Variants in DNAH7 observed in about 807,000 individuals in gnomAD.
The protein encoded by DNAH7 is axonemal beta dynein heavy chain 7.
Under a neutral mutation model 444.6 loss-of-function variants are expected in DNAH7, and 397 were observed. The observed-to-expected ratio is 0.89, with a 90% CI of 0.82 to 0.97. The LOEUF (loss-of-function observed/expected upper bound fraction) is 0.97, where lower values mean the gene tolerates loss of function less well. Ranked by LOEUF, DNAH7 falls within the 50% of genes least tolerant of loss-of-function variation. The pLI, the probability that DNAH7 is intolerant of heterozygous loss-of-function variation, is 0.00. For synonymous variants in DNAH7, 1,636 were observed against 1,624.4 expected, an observed-to-expected ratio of 1.01 and a Z score of -0.17; for missense variants, 4,902 against 4,800.8, an observed-to-expected ratio of 1.02 and a Z score of -0.62.
rs1165762121 is a variant in DNAH7 at position 195,884,708 on chromosome 2, T to A, written c.5640A>T (p.Pro1880=). 8 of 1,614,088 alleles carry A rather than the reference T, an allele frequency of 5.0e-6. No homozygotes were observed. Among genetic ancestry groups the A allele is most frequent in the Non-Finnish European group, 6.8e-6 (8 of 1,180,018 alleles). The change falls in exon 35 of 65, where the codon CCA becomes CCT. Residue 1880 remains proline, a synonymous_variant. Transcript: ENST00000312428. ...ACGTATTTCGAGTTCGATCTGAAATTGGACTTTCCATTAGTTCTCGAAGAA... is the reference window on the plus strand; with the variant it reads ...ACGTATTTCGAGTTCGATCTGAAATAGGACTTTCCATTAGTTCTCGAAGAA... The part of the protein sequence containing the change: ...NKILRELMES[P]ISDRTRNTFK...
At chr2:195,984,549 T>C in intron 15 of DNAH7, 83 bp downstream of exon 15, 1 of 1,359,110 alleles carries the variant, frequency 7.4e-7, no homozygotes, top group Non-Finnish European at 1.0e-6. Flanking sequence ...CTGTCTTAAC[T>C]TTTCGAGTGA....
chr2:196,025,427 A>G (rs1323566157), intron 7 of DNAH7, among the ~76,000 whole-genome samples: 3 of 152,142 alleles, frequency 2.0e-5, no homozygotes, highest in African/African-American at 7.2e-5. Flanking sequence ...TAAGCGCTCT[A>G]AAAAGGCATA....
rs560383213 is a variant in DNAH7, at chr2:196,012,302, C to A, written c.989+485G>T. ...GCTATTCCATTCCGAAAAGCCAATCCAAGGAGATATTCAATTATCATCTGA... is the reference window on the plus strand; with the variant it reads ...GCTATTCCATTCCGAAAAGCCAATCAAAGGAGATATTCAATTATCATCTGA... On this transcript the variant is annotated intron_variant, in intron 10 of 64. Coordinates refer to ENST00000312428, the MANE Select transcript of DNAH7 (RefSeq NM_018897.3). 4.6e-5 allele frequency among the ~76,000 whole-genome samples: 7 copies of A among 152,180 alleles called. No homozygotes were observed. In the South Asian group the frequency reaches 1.4e-3, roughly 32 times the overall value.
At chr2:195,924,093 G>C (rs1405017910) in intron 22 of DNAH7, among the ~76,000 whole-genome samples, 3 of 151,834 alleles carry the variant, frequency 2.0e-5, no homozygotes, top group Non-Finnish European at 4.4e-5. Flanking sequence ...CAATCATATT[G>C]CCCACTCTCC....
chr2:195,790,247 C>T (rs1404702814), intron 57 of DNAH7, among the ~76,000 whole-genome samples: 2 of 152,106 alleles, frequency 1.3e-5, no homozygotes, highest in African/African-American at 4.8e-5. Context: ...AATGGCCATA[C>T]ACCCCAAAGC....
intron 52 of DNAH7, 69 bp downstream of exon 52, chr2:195,809,676 T>C: frequency 7.5e-7 from 1 of 1,340,242 alleles, no homozygotes; most frequent in Non-Finnish European, 9.8e-7. Flanking sequence ...TATATTCCCA[T>C]ACAAATTAAT....
Position 195,927,528 on chromosome 2 carries a change from T to TAAA in DNAH7, c.3472-963_3472-962insTTT, listed in dbSNP as rs200921724. 1.9e-3 allele frequency among the ~76,000 whole-genome samples: 284 copies of TAAA among 150,018 alleles called. 1 individual carries two copies. Among genetic ancestry groups the TAAA allele is most frequent in the African/African-American group, 5.1e-3 (207 of 40,648 alleles). ...GCAAGTAAATAAATAAATAAATAAATTAATTAATTAATTAAAAAAATAGGC... is the reference window on the plus strand; with the variant it reads ...GCAAGTAAATAAATAAATAAATAAATAAATAATTAATTAATTAAAAAAATAGGC... On this transcript the variant is annotated intron_variant, in intron 21 of 64. Coordinates refer to ENST00000312428, the MANE Select transcript of DNAH7 (RefSeq NM_018897.3).
Position 196,051,279 on chromosome 2 carries a change from T to A in DNAH7, c.79-30A>T, listed in dbSNP as rs1697450229. 1.9e-6 allele frequency: 3 copies of A among 1,582,248 alleles called. No homozygotes were observed. The East Asian group carries it at 6.7e-5, about 35-fold the overall frequency. Reference sequence around the variant, plus strand: ...GTGAAAAATATGAAGGGGAAAAAAGTGTTTACTCTGTTAGTGCTAAAATTG... The same window carrying A: ...GTGAAAAATATGAAGGGGAAAAAAGAGTTTACTCTGTTAGTGCTAAAATTG... On this transcript the variant is annotated intron_variant, in intron 2 of 64. Coordinates refer to ENST00000312428, the MANE Select transcript of DNAH7 (RefSeq NM_018897.3).
intron 1 of DNAH7, among the ~76,000 whole-genome samples, chr2:196,061,540 G>GTAA (rs1698134772): frequency 6.6e-6 from 1 of 152,054 alleles, no homozygotes; most frequent in Admixed American, 6.6e-5. Flanking sequence ...TAAAATCCCT[G>GTAA]GTACCATCCT....
At chr2:195,913,964 T>G (rs762163731) in intron 24 of DNAH7, among the ~76,000 whole-genome samples, 1 of 152,214 alleles carries the variant, frequency 6.6e-6, no homozygotes, top group Non-Finnish European at 1.5e-5. Context: ...TCTGCCTGCC[T>G]TGGCCTCTCA....
chr2:195,773,717 T>G (rs1694944629), intron 60 of DNAH7, among the ~76,000 whole-genome samples: 1 of 152,168 alleles, frequency 6.6e-6, no homozygotes, highest in African/African-American at 2.4e-5. Flanking sequence ...TGGAATTCAT[T>G]TTCAGAGACA....
chr2:195,994,914 G>A (rs1189000037), intron 12 of DNAH7: 1 of 329,642 alleles, frequency 3.0e-6, no homozygotes, highest in Non-Finnish European at 5.9e-6. Context: ...CAGACAGACT[G>A]TAGCCCACTG....
chr2:196,030,526 A>C (rs1244998063), intron 5 of DNAH7, among the ~76,000 whole-genome samples: 1 of 152,226 alleles, frequency 6.6e-6, no homozygotes, highest in African/African-American at 2.4e-5. Context: ...AAAAGTCCAC[A>C]GTCCAGAGTC....
intron 46 of DNAH7, among the ~76,000 whole-genome samples, chr2:195,848,830 C>T (rs926944776): frequency 1.7e-4 from 26 of 152,110 alleles, no homozygotes; most frequent in African/African-American, 5.8e-4. Flanking sequence ...TATTGTAACC[C>T]GGGAGTGTTC....
intron 15 of DNAH7, among the ~76,000 whole-genome samples, chr2:195,973,062 T>A: frequency 6.6e-6 from 1 of 152,160 alleles, no homozygotes; most frequent in South Asian, 2.1e-4. Context: ...AACGAGGGAA[T>A]GAAACAAGTG....
rs570475802 is a variant in DNAH7 at position 195,996,672 on chromosome 2, C to T, written c.1353+4032G>A. 1.2e-4 allele frequency among the ~76,000 whole-genome samples: 19 copies of T among 152,168 alleles called. 1 individual carries two copies. Among genetic ancestry groups the T allele is most frequent in the African/African-American group, 3.1e-4 (13 of 41,492 alleles). ...AACTCCTGACCTCAGGTTATCCACC[C>T]GCCTCGCCCTCCCAAAGTGCTGGGA... On this transcript the variant is annotated intron_variant, in intron 12 of 64. Coordinates refer to ENST00000312428, the MANE Select transcript of DNAH7 (RefSeq NM_018897.3).
chr2:195,915,589 A>G (rs1282320354), intron 24 of DNAH7, among the ~76,000 whole-genome samples: 1 of 152,184 alleles, frequency 6.6e-6, no homozygotes, highest in African/African-American at 2.4e-5. Flanking sequence ...TTTATTGACT[A>G]TATCAGCCAT....
At chr2:195,841,976 T>C (rs973903930) in intron 47 of DNAH7, among the ~76,000 whole-genome samples, 1 of 152,044 alleles carries the variant, frequency 6.6e-6, no homozygotes, top group Non-Finnish European at 1.5e-5. Flanking sequence ...AGCAATACAT[T>C]TCAGAGTTTT....
chr2:195,909,994 C>G, intron 25 of DNAH7, 33 bp downstream of exon 25: 1 of 1,582,640 alleles, frequency 6.3e-7, no homozygotes, highest in African/African-American at 1.3e-5. Context: ...GATCAGTTAT[C>G]CTGTTGTAAA....
Sources: allele counts gnomAD v4.1 joint callset (sites outside exome capture counted in the v4.1 genomes callset), GRCh38; gene constraint gnomAD v4.1.1; transcripts MANE v1.5; gene names NCBI Gene and HGNC (gene_info 2026-07-23, HGNC 2026-07-21).